TENM4: variants seen among roughly 807,000 people sequenced by gnomAD.
TENM4 encodes teneurin-4.
TENM4 carries 82 observed loss-of-function variants against 243.3 expected under a neutral mutation model. That is an observed-to-expected ratio of 0.34 (90% confidence interval 0.28 to 0.40). The LOEUF is 0.40. TENM4 is among the 10% of genes least tolerant of loss of function. The pLI is 1.00. For missense variants in TENM4, 3,138 were observed against 3,673.3 expected (o/e 0.85, Z 3.77); for synonymous variants, 1,412 against 1,456.3 (o/e 0.97, Z 0.69).
At chr11:78,778,652 T>C in intron 16 of TENM4, 24 bp from the exon 17 acceptor site, 2 of 1,610,204 alleles carry the variant, frequency 1.2e-6, no homozygotes, top group Non-Finnish European at 1.7e-6. Context: ...AGACAGGACA[T>C]TTAAGGTAGG....
At chr11:79,030,293 A>G (rs1313436544) in intron 6 of TENM4, among the ~76,000 whole-genome samples, 1 of 152,166 alleles carries the variant, frequency 6.6e-6, no homozygotes, top group African/African-American at 2.4e-5. Flanking sequence ...TGAGCCTCGA[A>G]GAAGTGAAGG....
intron 6 of TENM4, among the ~76,000 whole-genome samples, chr11:78,932,324 A>G (rs1414748709): frequency 6.6e-6 from 1 of 152,166 alleles, no homozygotes; most frequent in Non-Finnish European, 1.5e-5. Flanking sequence ...TCCCCATGAC[A>G]GGAGTTCTGC....
intron 4 of TENM4, among the ~76,000 whole-genome samples, chr11:79,138,165 T>C (rs1379483251): frequency 6.6e-6 from 1 of 150,732 alleles, no homozygotes; most frequent in African/African-American, 2.4e-5. Flanking sequence ...CATCTTTCTC[T>C]CATGCTGGAT....
At chr11:79,365,630 T>G (rs939554348) in intron 1 of TENM4, among the ~76,000 whole-genome samples, 8 of 152,130 alleles carry the variant, frequency 5.3e-5, no homozygotes, top group African/African-American at 1.9e-4. Flanking sequence ...GCTACTGCCC[T>G]TTGGAGCTTA....
At chr11:79,223,517 C>T (rs1864203693) in intron 2 of TENM4, among the ~76,000 whole-genome samples, 1 of 152,144 alleles carries the variant, frequency 6.6e-6, no homozygotes, top group African/African-American at 2.4e-5. Flanking sequence ...AAACCTGACC[C>T]TCCTGTTCCC....
chr11:78,701,538 G>A lies in TENM4; in HGVS notation c.5075C>T (p.Thr1692Ile), dbSNP rs543165849. The change falls in exon 28 of 34, where the codon ACA becomes ATA. Residue 1692 changes from threonine (T) to isoleucine (I), a missense_variant. Transcript: ENST00000278550. ...LATKSNENGW[T>I]TFYEYDSFGR... ...TTTTAGTACTTACTCATAAAATGTT[G>A]TCCATCCGTTTTCATTGCTTTTGGT... 6.3e-7 allele frequency: 1 copy of A among 1,586,424 alleles called. No individual in the cohort carries two copies. The highest frequency in any genetic ancestry group is 1.7e-5 in the Admixed American group (1 of 58,848).
At chr11:78,997,281 A>G (rs1365563669) in intron 6 of TENM4, among the ~76,000 whole-genome samples, 1 of 152,224 alleles carries the variant, frequency 6.6e-6, no homozygotes, top group Non-Finnish European at 1.5e-5. Context: ...CAAAGAGCTC[A>G]CACTATTCTC....
At chr11:79,344,814 G>A (rs1057273453) in intron 1 of TENM4, among the ~76,000 whole-genome samples, 1 of 152,144 alleles carries the variant, frequency 6.6e-6, no homozygotes, top group Non-Finnish European at 1.5e-5. Context: ...AATATTTCAG[G>A]AAACTGCACT....
intron 19 of TENM4, among the ~76,000 whole-genome samples, chr11:78,745,730 C>T (rs1856035899): frequency 6.6e-6 from 1 of 152,184 alleles, no homozygotes; most frequent in African/African-American, 2.4e-5. Context: ...AAATTTTCTT[C>T]CTGTTCTCAT....
At chr11:79,385,047 G>A (rs1161050442) in intron 1 of TENM4, among the ~76,000 whole-genome samples, 1 of 151,736 alleles carries the variant, frequency 6.6e-6, no homozygotes, top group East Asian at 1.9e-4. Context: ...ACCGAGCAAT[G>A]ATGTGGGCTG....
intron 9 of TENM4, 141 bp from the exon 10 acceptor site, chr11:78,863,273 G>GTA (rs2136224334): frequency 2.1e-6 from 2 of 965,270 alleles, no homozygotes; most frequent in South Asian, 4.7e-5. Context: ...GGAAGCTCTT[G>GTA]TAGTGCCAGC....
chr11:79,329,597 C>T (rs181866714), intron 1 of TENM4, among the ~76,000 whole-genome samples: 48 of 152,230 alleles, frequency 3.2e-4, no homozygotes, highest in African/African-American at 1.1e-3. Context: ...GGTACTTGGT[C>T]GAGGATCGAG....
chr11:79,162,800 G>A (rs1022348441), intron 3 of TENM4, among the ~76,000 whole-genome samples: 1 of 152,172 alleles, frequency 6.6e-6, no homozygotes, highest in African/African-American at 2.4e-5. Flanking sequence ...CCCAGGCAGT[G>A]TGCAGGAGCC....
chr11:78,770,019 G>A (rs1591010472), intron 18 of TENM4, among the ~76,000 whole-genome samples: 2 of 152,222 alleles, frequency 1.3e-5, no homozygotes, highest in African/African-American at 4.8e-5. Context: ...ATATTAGAAA[G>A]TCCTTTGGTA....
At chr11:79,028,022 T>C (rs994829699) in intron 6 of TENM4, among the ~76,000 whole-genome samples, 1 of 152,120 alleles carries the variant, frequency 6.6e-6, no homozygotes, top group Non-Finnish European at 1.5e-5. Context: ...CCATAGATTG[T>C]AGTGGTTAAA....
chr11:78,857,723 T>C (rs1478684045), intron 10 of TENM4, among the ~76,000 whole-genome samples: 1 of 152,176 alleles, frequency 6.6e-6, no homozygotes, highest in Non-Finnish European at 1.5e-5. Context: ...ACTTCAGACA[T>C]CAAATATAGA....
intron 9 of TENM4, among the ~76,000 whole-genome samples, chr11:78,873,779 A>G (rs1286259551): frequency 6.6e-6 from 1 of 152,156 alleles, no homozygotes; most frequent in African/African-American, 2.4e-5. Context: ...TGTGTGTTGA[A>G]CACAATATTC....
chr11:78,714,895 C>G (rs1011961398), intron 25 of TENM4, among the ~76,000 whole-genome samples: 4 of 152,158 alleles, frequency 2.6e-5, no homozygotes. Context: ...CATTGCTGGA[C>G]GATAGGACAT....
chr11:78,812,098 G>A lies in TENM4; in HGVS notation c.1978+24C>T, dbSNP rs149473432. 7.4e-3 allele frequency: 11,477 copies of A among 1,543,298 alleles called. 62 individuals are homozygous for A. The highest frequency in any genetic ancestry group is 0.012 in the Middle Eastern group (57 of 4,622). Reference sequence around the variant, plus strand: ...AGCCTCTATCTCAGAGGAAGGTGCCGGAGCTGCCACCTGCAACTCTTACCT... The same window carrying A: ...AGCCTCTATCTCAGAGGAAGGTGCCAGAGCTGCCACCTGCAACTCTTACCT... On this transcript the variant is annotated intron_variant, in intron 14 of 33. Coordinates refer to ENST00000278550, the MANE Select transcript of TENM4 (RefSeq NM_001098816.3).
Sources: gnomAD v4.1 joint callset for allele counts (sites outside exome capture counted in the v4.1 genomes callset) on GRCh38, gnomAD v4.1.1 for gene constraint, MANE v1.5 for transcripts, NCBI Gene and HGNC (gene_info 2026-07-23, HGNC 2026-07-21) for gene names.